Variants in TMEM208 observed in about 807,000 individuals in gnomAD.
TMEM208 encodes transmembrane protein 208, also known as SRP-independent targeting 2 homolog.
Under a neutral mutation model 26.4 loss-of-function variants are expected in TMEM208, and 19 were observed. The ratio of observed to expected loss-of-function variants is 0.72; its 90% CI spans 0.50 to 1.06. The LOEUF is 1.06. Among genes scored for constraint, TMEM208 ranks in the 50% least tolerant of loss-of-function variants. The pLI, the probability that TMEM208 is intolerant of heterozygous loss-of-function variation, is 0.00. For synonymous variants in TMEM208, 93 were observed against 83.1 expected (o/e 1.12, Z -0.65); for missense variants, 183 against 219.8 (o/e 0.83, Z 1.06).
In TMEM208 at chr16:67,228,360, T is replaced by G; in HGVS notation, c.108T>G (p.Ile36Met). ...YLRIILGANA[I>M]YCLVTLVFFY... is the part of the protein sequence containing the mutation. ...GATCCTGTGATTGCTTGCAGGCCAT[T>G]TACTGCCTTGTGACGTTGGTCTTCT... Residue 36 changes from isoleucine (I) to methionine (M), a missense_variant, in exon 3 of 6, where the codon ATT becomes ATG. Ile to Met is a conservative substitution (Grantham distance 10). Transcript: ENST00000304800. 1 of 1,613,974 alleles carries G rather than the reference T, an allele frequency of 6.2e-7. No individual in the cohort carries two copies. The highest frequency in any genetic ancestry group is 8.5e-7 in the Non-Finnish European group (1 of 1,179,888).
chr16:67,228,315 G>T (rs1567378887), intron 2 of TMEM208, 40 bp from the exon 3 acceptor site: 1 of 1,610,550 alleles, frequency 6.2e-7, no homozygotes, highest in Non-Finnish European at 8.5e-7. Context: ...TGGTTTGGAG[G>T]TAACTTCTGA....
rs1046702818 is a variant in TMEM208, at chr16:67,229,081, C to T, written c.490C>T (p.Arg164Ter). ...APEHNEKRQR[R>*]QERRQMKRL is the part of the protein sequence containing the mutation. Reference sequence around the variant, plus strand: ...AGAGCACAATGAGAAACGGCAGCGCCGACAGGAGCGGCGGCAGATGAAGCG... The same window carrying T: ...AGAGCACAATGAGAAACGGCAGCGCTGACAGGAGCGGCGGCAGATGAAGCG... Residue 164 changes from arginine to a stop codon, truncating the protein, a stop_gained, in exon 6 of 6, where the codon CGA (arginine) becomes TGA (stop). Coordinates refer to ENST00000304800, the MANE Select transcript of TMEM208 (RefSeq NM_014187.4). LOFTEE classifies it high-confidence loss of function. 2.5e-6 allele frequency: 4 copies of T among 1,612,310 alleles called. No homozygotes were observed. The highest frequency in any genetic ancestry group is 3.4e-6 in the Non-Finnish European group (4 of 1,179,112).
At chr16:67,228,939 C>A in intron 5 of TMEM208, 37 bp from the exon 6 acceptor site, 2 of 1,610,946 alleles carry the variant, frequency 1.2e-6, no homozygotes, top group African/African-American at 1.3e-5. Context: ...ATCTTTTATT[C>A]CCTGCATCTT....
chr16:67,228,860 T>G lies in TMEM208; in HGVS notation c.363T>G (p.Tyr121Ter). The G allele has an allele frequency of 3.7e-6, 6 of 1,614,002 alleles. No homozygotes were observed. The highest frequency in any genetic ancestry group is 5.1e-6 in the Non-Finnish European group (6 of 1,179,870). Residue 121 changes from tyrosine to a stop codon, truncating the protein, a stop_gained, in exon 5 of 6, where the codon TAT (tyrosine) becomes TAG (stop). Coordinates refer to ENST00000304800, the MANE Select transcript of TMEM208 (RefSeq NM_014187.4). LOFTEE classifies it high-confidence loss of function. ...IVQVLSCFSL[Y>*]VWSFWLLAPG... ...AGGTGCTCAGCTGCTTCTCTCTCTA[T>G]GTCTGGTCCTTCTGGCTTCTGGTAT...
At chr16:67,227,688 G>A (rs1264932547) in intron 1 of TMEM208, 148 bp from the exon 2 acceptor site, 2 of 636,196 alleles carry the variant, frequency 3.1e-6, no homozygotes, top group African/African-American at 3.7e-5. Context: ...ATGGACTGGA[G>A]GATGGGTGGA....
In TMEM208 at chr16:67,228,791, C is replaced by A. The variant is rs1322212653; in HGVS notation, c.300-6C>A. 3.1e-6 allele frequency: 5 copies of A among 1,610,358 alleles called. No individual in the cohort carries two copies. Among genetic ancestry groups the A allele is most frequent in the African/African-American group, 2.7e-5 (2 of 74,566 alleles). ...GCTGTCTTTCCAGCTTTATTTCTAT[C>A]CACAGGCACCTTAAGGATGTGATCC... On this transcript the variant is annotated splice_region_variant and splice_polypyrimidine_tract_variant and intron_variant, in intron 4 of 5. Coordinates refer to ENST00000304800, the MANE Select transcript of TMEM208 (RefSeq NM_014187.4).
At chr16:67,228,675 TGGGGCC>T (rs751950224) in intron 4 of TMEM208, 44 bp downstream of exon 4, 1 of 1,542,800 alleles carries the variant, frequency 6.5e-7, no homozygotes, top group South Asian at 1.2e-5. Flanking sequence ...GCCCCAGGGC[TGGGGCC>T]CAGATAGCCC....
intron 4 of TMEM208, 37 bp from the exon 5 acceptor site, chr16:67,228,760 C>T: frequency 3.8e-6 from 6 of 1,596,372 alleles, no homozygotes; most frequent in Non-Finnish European, 5.1e-6. Context: ...GTGGAAGGGC[C>T]CATATGCTGT....
At position 67,227,164 on chromosome 16, in the gene TMEM208, A is replaced by T. The variant is rs2034050202; in HGVS notation, c.-55A>T. 2 of 1,606,792 alleles carry T rather than the reference A, an allele frequency of 1.2e-6. No individual in the cohort carries two copies. Among genetic ancestry groups the T allele is most frequent in the East Asian group, 2.2e-5 (1 of 44,682 alleles). Reference sequence around the variant, plus strand: ...TGAGCTGCCGATGTGGTGCTTAGTGATTGCGGTTTCGGTCGCTCTCCCGTG... The same window carrying T: ...TGAGCTGCCGATGTGGTGCTTAGTGTTTGCGGTTTCGGTCGCTCTCCCGTG... On this transcript the variant is annotated 5_prime_UTR_variant, in exon 1 of 6. Transcript: ENST00000304800.
chr16:67,228,969 C>A lies in TMEM208; in HGVS notation c.385-7C>A. Reference sequence around the variant, plus strand: ...CATCTTGCTTCAAGTTACCGTTTCTCTTGTAGGCTCCAGGCCGGGCCCTTT... The same window carrying A: ...CATCTTGCTTCAAGTTACCGTTTCTATTGTAGGCTCCAGGCCGGGCCCTTT... On this transcript the variant is annotated splice_polypyrimidine_tract_variant and splice_region_variant and intron_variant, in intron 5 of 5. Coordinates refer to ENST00000304800, the MANE Select transcript of TMEM208 (RefSeq NM_014187.4). 1 of 1,609,206 alleles carries A rather than the reference C, an allele frequency of 6.2e-7. No homozygotes were observed. The highest frequency in any genetic ancestry group is 8.5e-7 in the Non-Finnish European group (1 of 1,177,162).
Position 67,228,968 on chromosome 16 carries a change from T to C in TMEM208, c.385-8T>C, listed in dbSNP as rs993035109. On this transcript the variant is annotated splice_polypyrimidine_tract_variant and splice_region_variant and intron_variant, in intron 5 of 5. Coordinates refer to ENST00000304800, the MANE Select transcript of TMEM208 (RefSeq NM_014187.4). Reference sequence around the variant, plus strand: ...GCATCTTGCTTCAAGTTACCGTTTCTCTTGTAGGCTCCAGGCCGGGCCCTT... The same window carrying C: ...GCATCTTGCTTCAAGTTACCGTTTCCCTTGTAGGCTCCAGGCCGGGCCCTT... 5 of 1,608,912 alleles carry C rather than the reference T, an allele frequency of 3.1e-6. No homozygotes were observed. The highest frequency in any genetic ancestry group is 4.2e-6 in the Non-Finnish European group (5 of 1,177,082).
chr16:67,228,935 T>G, intron 5 of TMEM208, 41 bp from the exon 6 acceptor site: 1 of 1,611,758 alleles, frequency 6.2e-7, no homozygotes, highest in Non-Finnish European at 8.5e-7. Context: ...CCCCATCTTT[T>G]ATTCCCTGCA....
rs2142254297 is a variant in TMEM208 at position 67,229,193 on chromosome 16, G to T, written c.*80G>T. 6.9e-7 allele frequency: 1 copy of T among 1,455,334 alleles called. No individual in the cohort carries two copies. Among genetic ancestry groups the T allele is most frequent in the Admixed American group, 2.4e-5 (1 of 42,508 alleles). 90.2% of individuals were successfully genotyped at this position (1,455,334 alleles called of 1,614,324 possible). On this transcript the variant is annotated 3_prime_UTR_variant, in exon 6 of 6. Coordinates refer to ENST00000304800, the MANE Select transcript of TMEM208 (RefSeq NM_014187.4). The stretch of plus-strand genomic sequence containing the variant: ...CAGCCCCTCATGCCTGGAGCAATGA[G>T]GGTCTAGTCCAGGGGCCAAAAGCAG...
At position 67,228,855 on chromosome 16, in the gene TMEM208, C is replaced by T; in HGVS notation, c.358C>T (p.Leu120Phe). The change falls in exon 5 of 6, where the codon CTC becomes TTC. Residue 120 changes from leucine (L) to phenylalanine (F), a missense_variant. Physicochemically the swap from Leu to Phe is conservative, Grantham distance 22 (BLOSUM62 0). Coordinates refer to ENST00000304800, the MANE Select transcript of TMEM208 (RefSeq NM_014187.4). ...CGTGCAGGTGCTCAGCTGCTTCTCT[C>T]TCTATGTCTGGTCCTTCTGGCTTCT... The part of the protein sequence containing the change: ...AIVQVLSCFS[L>F]YVWSFWLLAP... 1.2e-6 allele frequency: 2 copies of T among 1,614,014 alleles called. No homozygotes were observed. Among genetic ancestry groups the T allele is most frequent in the Non-Finnish European group, 1.7e-6 (2 of 1,179,882 alleles).
rs1439788493 is a variant in TMEM208, at chr16:67,229,060, C to A, written c.469C>A (p.His157Asn). The A allele has an allele frequency of 1.2e-6, 2 of 1,613,258 alleles. No homozygotes were observed. Among genetic ancestry groups the A allele is most frequent in the Non-Finnish European group, 8.5e-7 (1 of 1,179,454 alleles). The change falls in exon 6 of 6, where the codon CAC becomes AAC. Residue 157 changes from histidine to asparagine, a missense_variant. Physicochemically the swap from His to Asn is moderately conservative, Grantham distance 68. Coordinates refer to ENST00000304800, the MANE Select transcript of TMEM208 (RefSeq NM_014187.4). Reference sequence around the variant, plus strand: ...AGACAGTGGCACCCCAGCACCAGAGCACAATGAGAAACGGCAGCGCCGACA... The same window carrying A: ...AGACAGTGGCACCCCAGCACCAGAGAACAATGAGAAACGGCAGCGCCGACA... ...TADSGTPAPE[H>N]NEKRQRRQER...
chr16:67,227,915 T>TC lies in TMEM208; in HGVS notation c.87dup (p.Ile30HisfsTer31), dbSNP rs762626156. 8 of 1,610,090 alleles carry TC rather than the reference T, an allele frequency of 5.0e-6. No individual in the cohort carries two copies. The highest frequency in any genetic ancestry group is 6.8e-6 in the Non-Finnish European group (8 of 1,178,086). ...GAGACTCTGAAGTTCTACCTGCGGA[T>TC]CATACTGGGGGCCAATGTAAGTGCC... is the stretch of plus-strand genomic sequence containing the variant. On this transcript the variant is annotated frameshift_variant, in exon 2 of 6. Coordinates refer to ENST00000304800, the MANE Select transcript of TMEM208 (RefSeq NM_014187.4). LOFTEE classifies it high-confidence loss of function.
intron 2 of TMEM208, 89 bp from the exon 3 acceptor site, chr16:67,228,266 A>G: frequency 6.9e-7 from 1 of 1,453,598 alleles, no homozygotes; most frequent in Non-Finnish European, 9.7e-7. Context: ...CTCCTCCCAC[A>G]GCCTGGCCTA....
Position 67,228,947 on chromosome 16 carries a change from C to T in TMEM208, c.385-29C>T. Reference sequence around the variant, plus strand: ...CCTCCCCATCTTTTATTCCCTGCATCTTGCTTCAAGTTACCGTTTCTCTTG... The same window carrying T: ...CCTCCCCATCTTTTATTCCCTGCATTTTGCTTCAAGTTACCGTTTCTCTTG... On this transcript the variant is annotated intron_variant, in intron 5 of 5. Transcript: ENST00000304800. 2.5e-6 allele frequency: 4 copies of T among 1,610,370 alleles called. No individual in the cohort carries two copies. The South Asian group carries it at 4.4e-5, about 18-fold the overall frequency.
rs200357730 is a variant in TMEM208, at chr16:67,227,202, G to T, written c.-17G>T. ...TCGCTCTCCCGTGTTTCCCGGGCTG[G>T]GTATTTGCCTCGCACCATGGCGGTA... On this transcript the variant is annotated 5_prime_UTR_variant, in exon 1 of 6. Transcript: ENST00000304800. The T allele has an allele frequency of 8.7e-6, 14 of 1,611,910 alleles. No homozygotes were observed. The East Asian group carries it at 2.7e-4, about 31-fold the overall frequency.
Sources: allele counts gnomAD v4.1 joint callset, GRCh38; gene constraint gnomAD v4.1.1; transcripts MANE v1.5; gene names NCBI Gene and HGNC (gene_info 2026-07-23, HGNC 2026-07-21).